TNKS: variants seen among roughly 807,000 people sequenced by gnomAD.
TNKS encodes poly [ADP-ribose] polymerase tankyrase-1.
Under a neutral mutation model 135.8 loss-of-function variants are expected in TNKS, and 72 were observed. The observed-to-expected ratio is 0.53, with a 90% CI of 0.44 to 0.64. The LOEUF (loss-of-function observed/expected upper bound fraction) is 0.64. Among genes scored for constraint, TNKS ranks in the 30% least tolerant of loss-of-function variants. The pLI is 0.00. For missense variants in TNKS, 1,769 were observed against 1,674.0 expected, an observed-to-expected ratio of 1.06 and a Z score of -0.99; for synonymous variants, 849 against 649.3, an observed-to-expected ratio of 1.31 and a Z score of -4.68.
intron 2 of TNKS, among the ~76,000 whole-genome samples, chr8:9,593,856 C>A (rs897194527): frequency 6.7e-6 from 1 of 149,198 alleles, no homozygotes; most frequent in Non-Finnish European, 1.5e-5. Context: ...ACATTCTTAT[C>A]CCTTGATATT....
At chr8:9,694,268 T>G (rs1356502190) in intron 5 of TNKS, among the ~76,000 whole-genome samples, 1 of 152,128 alleles carries the variant, frequency 6.6e-6, no homozygotes, top group Non-Finnish European at 1.5e-5. Flanking sequence ...CATTCATTCT[T>G]TTTTTTAAAA....
chr8:9,626,181 A>G (rs1045638741), intron 3 of TNKS, among the ~76,000 whole-genome samples: 1 of 152,212 alleles, frequency 6.6e-6, no homozygotes, highest in South Asian at 2.1e-4. Context: ...TCTTTGCTCT[A>G]AATTCCACTT....
intron 2 of TNKS, among the ~76,000 whole-genome samples, chr8:9,584,342 T>C (rs1363475068): frequency 6.6e-5 from 10 of 152,144 alleles, no homozygotes; most frequent in African/African-American, 2.2e-4. Context: ...TTCTACTTCT[T>C]TGCAGTCAGG....
chr8:9,769,906 A>C (rs1016144797), intron 25 of TNKS, among the ~76,000 whole-genome samples, 200 bp from the exon 26 acceptor site: 1 of 152,114 alleles, frequency 6.6e-6, no homozygotes, highest in African/African-American at 2.4e-5. Flanking sequence ...TTTAAACTTT[A>C]AGTGTAACTA....
intron 2 of TNKS, among the ~76,000 whole-genome samples, chr8:9,602,708 A>G (rs558768585): frequency 1.1e-4 from 17 of 152,322 alleles, no homozygotes; most frequent in South Asian, 4.1e-4. Context: ...TGCCACACAT[A>G]TATGTAATTT....
intron 11 of TNKS, among the ~76,000 whole-genome samples, chr8:9,716,545 C>T (rs1197456133): frequency 1.3e-5 from 2 of 152,014 alleles, no homozygotes; most frequent in Admixed American, 6.6e-5. Flanking sequence ...GTGAGAAACC[C>T]GTATGGTTAT....
chr8:9,575,396 C>T, intron 1 of TNKS: 1 of 985,216 alleles, frequency 1.0e-6, no homozygotes, highest in Non-Finnish European at 1.2e-6. Flanking sequence ...TTAAGAGGAA[C>T]AAGGTGGGTC....
chr8:9,752,707 C>T (rs779750547), intron 20 of TNKS, 81 bp downstream of exon 20: 1 of 957,246 alleles, frequency 1.0e-6, no homozygotes, highest in Non-Finnish European at 1.6e-6. Context: ...ACCTTACTCC[C>T]AACACTTTGG....
At chr8:9,689,916 G>A (rs1803183979) in intron 5 of TNKS, among the ~76,000 whole-genome samples, 3 of 152,154 alleles carry the variant, frequency 2.0e-5, no homozygotes, top group Non-Finnish European at 4.4e-5. Context: ...ACCTCTATCT[G>A]TTGTCCATTA....
intron 5 of TNKS, among the ~76,000 whole-genome samples, chr8:9,701,137 T>C (rs1301793471): frequency 6.6e-6 from 1 of 151,990 alleles, no homozygotes; most frequent in East Asian, 1.9e-4. Context: ...CAGGGTTTCA[T>C]CGTGTTAGCC....
chr8:9,635,094 C>T (rs1409052562), intron 3 of TNKS, among the ~76,000 whole-genome samples: 1 of 151,896 alleles, frequency 6.6e-6, no homozygotes, highest in African/African-American at 2.4e-5. Flanking sequence ...GGCGTAAACC[C>T]GGGAGGCGGA....
At chr8:9,685,369 C>T (rs1032656397) in intron 5 of TNKS, among the ~76,000 whole-genome samples, 2 of 152,152 alleles carry the variant, frequency 1.3e-5, no homozygotes, top group African/African-American at 4.8e-5. Flanking sequence ...CATACCCTTT[C>T]CACAAGGCAT....
intron 15 of TNKS, among the ~76,000 whole-genome samples, chr8:9,734,431 G>T (rs1283703938): frequency 6.6e-6 from 1 of 151,682 alleles, no homozygotes; most frequent in East Asian, 1.9e-4. Flanking sequence ...TCTTACTGAT[G>T]GCCTTTAGAA....
chr8:9,641,377 G>T (rs1406033755), intron 3 of TNKS, among the ~76,000 whole-genome samples: 2 of 144,114 alleles, frequency 1.4e-5, no homozygotes, highest in African/African-American at 5.2e-5. Context: ...TTCAAACTGG[G>T]TAATTGAGAT....
At chr8:9,714,185 T>A (rs534433529) in intron 11 of TNKS, among the ~76,000 whole-genome samples, 1 of 152,340 alleles carries the variant, frequency 6.6e-6, no homozygotes, top group South Asian at 2.1e-4. Flanking sequence ...GCTGTTAATG[T>A]TAAACTAAAT....
intron 5 of TNKS, among the ~76,000 whole-genome samples, chr8:9,694,539 A>G (rs954141924): frequency 3.3e-5 from 5 of 152,246 alleles, no homozygotes; most frequent in Admixed American, 3.3e-4. Context: ...AGGCAGGTGG[A>G]TCACTTGAGG....
At chr8:9,735,800 AAAAT>A (rs750163364) in intron 17 of TNKS, among the ~76,000 whole-genome samples, 4 of 152,148 alleles carry the variant, frequency 2.6e-5, no homozygotes, top group African/African-American at 9.6e-5. Flanking sequence ...ACTCTGACTC[AAAAT>A]AAATAAATAA....
intron 1 of TNKS, among the ~76,000 whole-genome samples, chr8:9,577,569 C>G (rs1380660259): frequency 1.3e-5 from 2 of 152,130 alleles, no homozygotes; most frequent in African/African-American, 4.8e-5. Context: ...AGGTGCTACA[C>G]ACTTTTAAAC....
chr8:9,625,383 C>T (rs1283171910), intron 3 of TNKS, among the ~76,000 whole-genome samples: 3 of 151,570 alleles, frequency 2.0e-5, no homozygotes, highest in African/African-American at 7.3e-5. Context: ...TTTCTGTTTT[C>T]AATATTGTTG....
Sources: allele counts gnomAD v4.1 joint callset (sites outside exome capture counted in the v4.1 genomes callset), GRCh38; gene constraint gnomAD v4.1.1; transcripts MANE v1.5; gene names NCBI Gene and HGNC (gene_info 2026-07-23, HGNC 2026-07-21).